Variants in ZNF496 observed in about 807,000 individuals in gnomAD.
ZNF496 encodes the protein NSD1 (nuclear receptor binding SET-domain containing 1)-interacting zinc finger protein 1.
Under a neutral mutation model 58.9 loss-of-function variants are expected in ZNF496, and 11 were observed. That is an observed-to-expected ratio of 0.19 (90% CI 0.12 to 0.31). The LOEUF (loss-of-function observed/expected upper bound fraction) is 0.31, where lower values mean the gene tolerates loss of function less well. Among genes scored for constraint, ZNF496 ranks in the 10% least tolerant of loss-of-function variants. ZNF496 has a pLI of 1.00. For missense variants in ZNF496, 660 were observed against 783.0 expected (o/e 0.84, Z 1.88); for synonymous variants, 338 against 318.2 (o/e 1.06, Z -0.66).
Position 247,308,917 on chromosome 1 carries a change from A to ACGGCGC in ZNF496, c.893-330_893-329insGCGCCG. Reference sequence around the variant, plus strand: ...CTGTGGTGGGTTTTCTATAGTCATCACCACAGGCTCCTGCACACTCCGCAC... The same window carrying ACGGCGC: ...CTGTGGTGGGTTTTCTATAGTCATCACGGCGCCCACAGGCTCCTGCACACTCCGCAC... On this transcript the variant is annotated intron_variant, in intron 8 of 9. Transcript: ENST00000682384. This position sits in a 1 kb window ranked among gnomAD's most constrained non-coding sequence, Gnocchi z 4.5. 2.9e-6 allele frequency: 1 copy of ACGGCGC among 346,716 alleles called. No individual in the cohort carries two copies. The highest frequency in any genetic ancestry group is 2.4e-5 in the South Asian group (1 of 42,192). 21.5% of individuals were successfully genotyped at this position (346,716 alleles called of 1,614,324 possible). A position where few individuals can be genotyped will look rare whatever the true frequency, so the allele number is the denominator to read the frequency against.
Position 247,329,540 on chromosome 1 carries a change from C to T in ZNF496, c.39G>A (p.Lys13=). ...TCATTTTCCTGGGCTCCTCACTTTC[C>T]TTCGGAGCCAAGACTCGGGGGCACA... ...TALCPRVLAP[K]ESEEPRKMRS... is the part of the protein sequence containing the mutation. Residue 13 remains lysine (K), a synonymous_variant, in exon 4 of 10, where the codon AAG becomes AAA. Transcript: ENST00000682384. The surrounding 1 kb of genome is among the most constrained non-coding windows in gnomAD (Gnocchi z 5.5). The T allele has an allele frequency of 6.4e-7, 1 of 1,572,794 alleles. No homozygotes were observed. Among genetic ancestry groups the T allele is most frequent in the Non-Finnish European group, 8.6e-7 (1 of 1,165,304 alleles).
At position 247,327,852 on chromosome 1, in the gene ZNF496, A is replaced by G. The variant is rs186099455; in HGVS notation, c.574+831T>C. Among the ~76,000 whole-genome samples, 89 of 149,960 alleles carry G rather than the reference A, an allele frequency of 5.9e-4. No homozygotes were observed. The East Asian group carries it at 8.2e-3, about 14-fold the overall frequency. The stretch of plus-strand genomic sequence containing the variant: ...ACACTCTCTTTCCACTGTACATATA[A>G]AGCACCGTGGCAAGTCCACCCAGAG... On this transcript the variant is annotated intron_variant, in intron 5 of 9. Transcript: ENST00000682384.
In ZNF496 at chr1:247,323,204, C is replaced by T. The variant is rs1660016751; in HGVS notation, c.601G>A (p.Glu201Lys). ...TGCTGTGTGTCCCGCACATTCTCTT[C>T]CTGAAGAAGGAAAGCATCTTGCAGA... ...PVLQDAFLLQ[E>K]ENVRDTQQVT... Residue 201 changes from glutamate to lysine, a missense_variant, in exon 6 of 10, where the codon GAA becomes AAA. By Grantham distance (56) the Glu-to-Lys change is moderately conservative. Transcript: ENST00000682384. The T allele has an allele frequency of 6.2e-7, 1 of 1,614,052 alleles. No individual in the cohort carries two copies. The highest frequency in any genetic ancestry group is 1.3e-5 in the African/African-American group (1 of 75,034).
chr1:247,300,704 A>T lies in ZNF496; in HGVS notation c.1579T>A (p.Cys527Ser). 1 of 1,613,950 alleles carries T rather than the reference A, an allele frequency of 6.2e-7. No homozygotes were observed. The highest frequency in any genetic ancestry group is 8.5e-7 in the Non-Finnish European group (1 of 1,179,956). The change falls in exon 10 of 10, where the codon TGT becomes AGT. Residue 527 changes from cysteine to serine, a missense_variant. Coordinates refer to ENST00000682384, the MANE Select transcript of ZNF496 (RefSeq NM_032752.3). The surrounding 1 kb of genome is among the most constrained non-coding windows in gnomAD (Gnocchi z 5.7). ...TCGTGCCGCTGGAAGGCCTTCCCAC[A>T]CTCACAGCACTGGAAGCTCAGTTTG... is the stretch of plus-strand genomic sequence containing the variant. The part of the protein sequence containing the change: ...KAKLSFQCCE[C>S]GKAFQRHDHL...
chr1:247,319,816 G>A (rs893369643), intron 6 of ZNF496, among the ~76,000 whole-genome samples: 1 of 152,028 alleles, frequency 6.6e-6, no homozygotes, highest in Non-Finnish European at 1.5e-5. Flanking sequence ...TCAGCTACTC[G>A]GGAAGCTGAG....
Position 247,308,916 on chromosome 1 carries a change from C to CGGCG in ZNF496, c.893-329_893-328insCGCC. 3.4e-5 allele frequency: 12 copies of CGGCG among 349,596 alleles called. No homozygotes were observed. Among genetic ancestry groups the CGGCG allele is most frequent in the South Asian group, 7.0e-5 (3 of 42,748 alleles). The allele number at this position is 349,596 out of a possible 1,614,324, so 21.7% of individuals were successfully genotyped here. A position where few individuals can be genotyped will look rare whatever the true frequency, so the allele number is the denominator to read the frequency against. On this transcript the variant is annotated intron_variant, in intron 8 of 9. Transcript: ENST00000682384. The surrounding 1 kb of genome is among the most constrained non-coding windows in gnomAD (Gnocchi z 4.5). ...TCTGTGGTGGGTTTTCTATAGTCATCACCACAGGCTCCTGCACACTCCGCA... is the reference window on the plus strand; with the variant it reads ...TCTGTGGTGGGTTTTCTATAGTCATCGGCGACCACAGGCTCCTGCACACTCCGCA...
chr1:247,307,848 C>T, intron 9 of ZNF496: 1 of 985,368 alleles, frequency 1.0e-6, no homozygotes, highest in Non-Finnish European at 1.2e-6. Flanking sequence ...AGTATTGTAG[C>T]CTCTGCTTCT....
chr1:247,309,264 C>T lies in ZNF496; in HGVS notation c.892+435G>A. 1 of 499,752 alleles carries T rather than the reference C, an allele frequency of 2.0e-6. No individual in the cohort carries two copies. Among genetic ancestry groups the T allele is most frequent in the Non-Finnish European group, 2.6e-6 (1 of 378,312 alleles). 31.0% of individuals were successfully genotyped at this position (499,752 alleles called of 1,614,324 possible). ...CAGCACCTCCCCACACCCCAGTGTC[C>T]TCACAGCACCCCTGTACCAGGCAGA... is the stretch of plus-strand genomic sequence containing the variant. On this transcript the variant is annotated intron_variant, in intron 8 of 9. Coordinates refer to ENST00000682384, the MANE Select transcript of ZNF496 (RefSeq NM_032752.3). This position sits in a 1 kb window ranked among gnomAD's most constrained non-coding sequence, Gnocchi z 4.3.
chr1:247,309,868 C>T lies in ZNF496; in HGVS notation c.785-62G>A, dbSNP rs368457957. On this transcript the variant is annotated intron_variant, in intron 7 of 9. Coordinates refer to ENST00000682384, the MANE Select transcript of ZNF496 (RefSeq NM_032752.3). The surrounding 1 kb of genome is among the most constrained non-coding windows in gnomAD (Gnocchi z 4.3). ...TAATCTGATCCTGCAGCAACCAGGG[C>T]TGGTCCAGAAGAGAGAAGGCGGAGG... The T allele has an allele frequency of 1.6e-5, 26 of 1,582,748 alleles. No individual in the cohort carries two copies. Among genetic ancestry groups the T allele is most frequent in the African/African-American group, 2.7e-5 (2 of 74,452 alleles).
At chr1:247,311,413 C>T (rs954923464) in intron 6 of ZNF496, 4 of 115,654 alleles carry the variant, frequency 3.5e-5, no homozygotes, top group South Asian at 3.0e-4. Context: ...AAAAAAAAAA[C>T]AAAACACACA....
rs35060178 is a variant in ZNF496, at chr1:247,324,529, C to CTT, written c.575-1301_575-1300dup. 8.1e-3 allele frequency among the ~76,000 whole-genome samples: 1,202 copies of CTT among 147,854 alleles called. 14 individuals carry two copies. The highest frequency in any genetic ancestry group is 0.027 in the African/African-American group (1,077 of 40,310). Reference sequence around the variant, plus strand: ...TAATGCATTATATTAATTAGCTTGACTTTTTTTTTTTTTAAGAGACTGGTC... The same window carrying CTT: ...TAATGCATTATATTAATTAGCTTGACTTTTTTTTTTTTTTTAAGAGACTGGTC... On this transcript the variant is annotated intron_variant, in intron 5 of 9. Coordinates refer to ENST00000682384, the MANE Select transcript of ZNF496 (RefSeq NM_032752.3).
chr1:247,325,612 C>T (rs1236101156), intron 5 of ZNF496, among the ~76,000 whole-genome samples: 1 of 152,130 alleles, frequency 6.6e-6, no homozygotes, highest in Non-Finnish European at 1.5e-5. Context: ...AGAATTTATT[C>T]ATCTTACCTA....
At chr1:247,321,653 A>G (rs1269343609) in intron 6 of ZNF496, among the ~76,000 whole-genome samples, 2 of 152,244 alleles carry the variant, frequency 1.3e-5, no homozygotes, top group Non-Finnish European at 2.9e-5. Flanking sequence ...GTACTGACTT[A>G]TCAAAATCTC....
chr1:247,317,485 G>A (rs549001425), intron 6 of ZNF496, among the ~76,000 whole-genome samples: 5 of 152,250 alleles, frequency 3.3e-5, no homozygotes, highest in African/African-American at 1.2e-4. Flanking sequence ...CAGGTGCAAT[G>A]AGGTGCCCTA....
rs138463039 is a variant in ZNF496, at chr1:247,329,456, A to G, written c.123T>C (p.Ser41=). 1.5e-4 allele frequency: 238 copies of G among 1,612,294 alleles called. No homozygotes were observed. The African/African-American group carries it at 3.0e-3, about 20-fold the overall frequency. The change falls in exon 4 of 10, where the codon TCT becomes TCC. Residue 41 remains serine, a synonymous_variant. Transcript: ENST00000682384. This position sits in a 1 kb window ranked among gnomAD's most constrained non-coding sequence, Gnocchi z 5.5. The part of the protein sequence containing the change: ...PQGELPSPES[S]RRLFRRFRYQ... ...AGCGGAAACGGCGGAAGAGACGCCG[A>G]GAGGACTCGGGGCTGGGAAGCTCCC...
intron 9 of ZNF496, 61 bp from the exon 10 acceptor site, chr1:247,301,337 C>T (rs1659229604): frequency 1.4e-6 from 2 of 1,474,916 alleles, no homozygotes; most frequent in Middle Eastern, 1.8e-4. Flanking sequence ...GCCCCTATGA[C>T]CGCGGCGGAG....
At chr1:247,316,479 G>A (rs1221144963) in intron 6 of ZNF496, among the ~76,000 whole-genome samples, 1 of 151,968 alleles carries the variant, frequency 6.6e-6, no homozygotes, top group Non-Finnish European at 1.5e-5. Flanking sequence ...TGTAAGCAGA[G>A]GAAGAGAGAC....
chr1:247,316,214 C>A (rs1444467716), intron 6 of ZNF496, among the ~76,000 whole-genome samples: 1 of 15,326 alleles, frequency 6.5e-5, no homozygotes, highest in African/African-American at 1.2e-4. Context: ...CGCGCGCGTG[C>A]GCGTGTGTGT....
At position 247,329,121 on chromosome 1, in the gene ZNF496, T is replaced by C. The variant is rs1051471922; in HGVS notation, c.390+68A>G. 61 of 1,605,262 alleles carry C rather than the reference T, an allele frequency of 3.8e-5. No individual in the cohort carries two copies. Among genetic ancestry groups the C allele is most frequent in the Non-Finnish European group, 4.7e-5 (55 of 1,173,968 alleles). The stretch of plus-strand genomic sequence containing the variant: ...AACTCCTCATTCCCCAGCCAGCACA[T>C]GCATGGCCCAGCCAAAGTGTCTAAG... On this transcript the variant is annotated intron_variant, in intron 4 of 9. Transcript: ENST00000682384. This position sits in a 1 kb window ranked among gnomAD's most constrained non-coding sequence, Gnocchi z 5.5.
Sources: allele counts gnomAD v4.1 joint callset (sites outside exome capture counted in the v4.1 genomes callset), GRCh38; gene constraint gnomAD v4.1.1; non-coding constraint Gnocchi (gnomAD v3.1); transcripts MANE v1.5; gene names NCBI Gene and HGNC (gene_info 2026-07-23, HGNC 2026-07-21).